Variants in TAFA1 observed in about 807,000 individuals in gnomAD.
TAFA1 encodes chemokine-like protein TAFA-1.
In TAFA1, 4 loss-of-function variants were observed where a neutral mutation model predicts 18.5. The ratio of observed to expected loss-of-function variants is 0.22; its 90% confidence interval spans 0.11 to 0.49. TAFA1 has a LOEUF of 0.49. Among genes scored for constraint, TAFA1 ranks in the 20% least tolerant of loss-of-function variants. TAFA1 has a pLI of 0.98. For synonymous variants in TAFA1, 56 were observed against 55.2 expected (o/e 1.01, Z -0.06); for missense variants, 147 against 169.0 (o/e 0.87, Z 0.72).
At position 68,197,218 on chromosome 3, in the gene TAFA1, G is replaced by C. The variant is rs73834891; in HGVS notation, c.118+190474G>C. Among the ~76,000 whole-genome samples the C allele has an allele frequency of 8.6e-5, 13 of 151,760 alleles. No individual in the cohort carries two copies. The East Asian group carries it at 2.1e-3, about 25-fold the overall frequency. On this transcript the variant is annotated intron_variant, in intron 2 of 4. Transcript: ENST00000478136. ...AATACAGGTTTATTTAGAAATATTT[G>C]CCAGCTTTCTTTTATTTAGAATGAT...
chr3:68,378,360 T>C (rs966245873), intron 2 of TAFA1, among the ~76,000 whole-genome samples: 1 of 152,130 alleles, frequency 6.6e-6, no homozygotes, highest in East Asian at 1.9e-4. Flanking sequence ...GGATTGCAGA[T>C]TTTCATGGGG....
intron 3 of TAFA1, among the ~76,000 whole-genome samples, chr3:68,536,037 G>A (rs572037037): frequency 7.7e-4 from 118 of 152,298 alleles, no homozygotes; most frequent in Non-Finnish European, 1.5e-3. Context: ...GAAGCAGGGT[G>A]TGATTGCTAT....
intron 2 of TAFA1, among the ~76,000 whole-genome samples, chr3:68,060,205 T>TGTGC (rs1491247743): frequency 1.6e-5 from 1 of 63,014 alleles, no homozygotes. Context: ...TGTGTGTGTT[T>TGTGC]GTGTGTGTGT....
At chr3:68,495,266 T>C (rs1214885501) in intron 3 of TAFA1, among the ~76,000 whole-genome samples, 2 of 152,164 alleles carry the variant, frequency 1.3e-5, no homozygotes, top group African/African-American at 4.8e-5. Context: ...CATAATTTAA[T>C]TAAATATTAT....
the TAFA1 span, among the ~76,000 whole-genome samples, chr3:67,998,039 TATTAAACAAAAAAA>T: frequency 2.6e-5 from 4 of 151,612 alleles, no homozygotes; most frequent in South Asian, 2.1e-4. Context: ...AAAAAACATA[TATTAAACAAAAAAA>T]ATTAAACAAA....
At chr3:68,046,263 C>A (rs768711751) in intron 2 of TAFA1, among the ~76,000 whole-genome samples, 27 of 151,982 alleles carry the variant, frequency 1.8e-4, no homozygotes, top group Non-Finnish European at 1.0e-4. Flanking sequence ...TTTTGTATTG[C>A]TGCCTATATT....
chr3:68,045,665 C>T (rs1188683135), intron 2 of TAFA1, among the ~76,000 whole-genome samples: 1 of 151,958 alleles, frequency 6.6e-6, no homozygotes, highest in African/African-American at 2.4e-5. Context: ...TCTTTAAGGA[C>T]AAATACGGTT....
chr3:68,225,027 G>T (rs1025031013), intron 2 of TAFA1, among the ~76,000 whole-genome samples: 7 of 145,682 alleles, frequency 4.8e-5, no homozygotes, highest in Non-Finnish European at 7.4e-5. Flanking sequence ...TTCTGCCTCA[G>T]CCTCCCGAGT....
intron 2 of TAFA1, among the ~76,000 whole-genome samples, chr3:68,183,244 G>A (rs2066226746): frequency 6.6e-6 from 1 of 152,126 alleles, no homozygotes; most frequent in Non-Finnish European, 1.5e-5. Flanking sequence ...TATGAGAAGT[G>A]GAGCAAAGGT....
chr3:68,077,747 C>T, intron 2 of TAFA1, among the ~76,000 whole-genome samples: 1 of 151,610 alleles, frequency 6.6e-6, no homozygotes, highest in South Asian at 2.1e-4. Flanking sequence ...TAGTGTGATG[C>T]CTCCAGCTTT....
At chr3:68,435,627 G>A (rs1210067752) in intron 3 of TAFA1, among the ~76,000 whole-genome samples, 1 of 152,024 alleles carries the variant, frequency 6.6e-6, no homozygotes. Flanking sequence ...TGATATTTAG[G>A]GTAACAAAGT....
chr3:68,313,742 A>T (rs1575769670), intron 2 of TAFA1, among the ~76,000 whole-genome samples: 1 of 152,308 alleles, frequency 6.6e-6, no homozygotes, highest in Admixed American at 6.5e-5. Context: ...CTTTGGCCCT[A>T]ACTGGATGGA....
chr3:68,516,511 A>G (rs1162940514), intron 3 of TAFA1, among the ~76,000 whole-genome samples: 1 of 152,120 alleles, frequency 6.6e-6, no homozygotes, highest in East Asian at 1.9e-4. Flanking sequence ...CTTTGTGTAT[A>G]TTTTCAATTA....
At chr3:68,327,931 A>G (rs887033553) in intron 2 of TAFA1, among the ~76,000 whole-genome samples, 2 of 152,208 alleles carry the variant, frequency 1.3e-5, no homozygotes, top group African/African-American at 4.8e-5. Context: ...TTCTTACTGT[A>G]GCATTTTATG....
At chr3:68,051,814 C>T (rs572113265) in intron 2 of TAFA1, among the ~76,000 whole-genome samples, 9 of 151,900 alleles carry the variant, frequency 5.9e-5, no homozygotes, top group South Asian at 2.1e-4. Context: ...ACAACACTAT[C>T]GTTTAAAAAA....
At chr3:68,417,456 T>G in intron 3 of TAFA1, 36 bp downstream of exon 3, 1 of 1,602,208 alleles carries the variant, frequency 6.2e-7, no homozygotes, top group Non-Finnish European at 8.5e-7. Flanking sequence ...AAAGCTCACA[T>G]GGCATTCACT....
intron 3 of TAFA1, among the ~76,000 whole-genome samples, chr3:68,497,812 G>C (rs2072574520): frequency 6.6e-6 from 1 of 152,168 alleles, no homozygotes. Context: ...TCTTAGTACA[G>C]CTTTGACTGC....
intron 2 of TAFA1, among the ~76,000 whole-genome samples, chr3:68,154,754 T>C (rs2065847434): frequency 6.6e-6 from 1 of 152,110 alleles, no homozygotes; most frequent in Non-Finnish European, 1.5e-5. Context: ...GCTTGAACTT[T>C]TGTCATTTTC....
At chr3:68,111,471 G>A (rs1428486659) in intron 2 of TAFA1, among the ~76,000 whole-genome samples, 2 of 151,960 alleles carry the variant, frequency 1.3e-5, no homozygotes, top group South Asian at 2.1e-4. Context: ...TTCCCAGAGA[G>A]AAACTTAAAG....
Sources: allele counts gnomAD v4.1 joint callset (sites outside exome capture counted in the v4.1 genomes callset), GRCh38; gene constraint gnomAD v4.1.1; transcripts MANE v1.5; gene names NCBI Gene and HGNC (gene_info 2026-07-23, HGNC 2026-07-21).